PTPA: variants seen among roughly 807,000 people sequenced by gnomAD.
PTPA encodes the protein serine/threonine-protein phosphatase 2A activator.
Under a neutral mutation model 43.6 loss-of-function variants are expected in PTPA, and 13 were observed. That is an observed-to-expected ratio of 0.30 (90% confidence interval 0.19 to 0.47). PTPA has a LOEUF of 0.47. PTPA is among the 20% of genes least tolerant of loss of function. The pLI is 0.99. For missense variants in PTPA, 329 were observed against 411.9 expected, an observed-to-expected ratio of 0.80 and a Z score of 1.74; for synonymous variants, 172 against 158.2, an observed-to-expected ratio of 1.09 and a Z score of -0.66.
At chr9:129,136,884 G>T (rs1466089933) in intron 7 of PTPA, among the ~76,000 whole-genome samples, 2 of 152,252 alleles carry the variant, frequency 1.3e-5, no homozygotes, top group African/African-American at 2.4e-5. Context: ...TAATGGACTG[G>T]TGTGAAATGC....
chr9:129,144,662 C>T (rs967131453), intron 9 of PTPA, among the ~76,000 whole-genome samples: 29 of 150,034 alleles, frequency 1.9e-4, no homozygotes, highest in African/African-American at 6.9e-4. Context: ...TGGCGTGAGT[C>T]CGGGCGGTGG....
intron 8 of PTPA, chr9:129,141,605 C>T (rs1402455081): frequency 6.6e-6 from 1 of 152,356 alleles, no homozygotes; most frequent in Non-Finnish European, 1.5e-5. Context: ...TTTCTGACGT[C>T]ATGGGAACTT....
intron 8 of PTPA, chr9:129,140,147 C>T (rs897967169): frequency 2.0e-5 from 3 of 152,432 alleles, no homozygotes; most frequent in Non-Finnish European, 4.4e-5. Context: ...AGGAACGCAG[C>T]GTCTGTGAGT....
At chr9:129,130,241 G>GGA (rs1849867666) in intron 4 of PTPA, among the ~76,000 whole-genome samples, 1 of 152,156 alleles carries the variant, frequency 6.6e-6, no homozygotes, top group Admixed American at 6.5e-5. Context: ...TAGCTTTCCA[G>GGA]GAGATGGCTC....
At chr9:129,125,002 C>G (rs1849484808) in intron 3 of PTPA, among the ~76,000 whole-genome samples, 1 of 152,262 alleles carries the variant, frequency 6.6e-6, no homozygotes, top group African/African-American at 2.4e-5. Flanking sequence ...GGAGCCAGGC[C>G]CATTAGTGGC....
At chr9:129,146,169 C>T (rs1431803537) in intron 9 of PTPA, among the ~76,000 whole-genome samples, 1 of 152,152 alleles carries the variant, frequency 6.6e-6, no homozygotes, top group Non-Finnish European at 1.5e-5. Flanking sequence ...GCTGCCTTGG[C>T]CTCTGGCCTG....
chr9:129,140,592 T>C (rs1443651002), intron 8 of PTPA, among the ~76,000 whole-genome samples: 1 of 152,212 alleles, frequency 6.6e-6, no homozygotes, highest in Non-Finnish European at 1.5e-5. Context: ...CCAGTGCCCA[T>C]CTGCCTGCCT....
chr9:129,140,903 G>T (rs746997229), intron 8 of PTPA, among the ~76,000 whole-genome samples: 12 of 152,268 alleles, frequency 7.9e-5, no homozygotes, highest in South Asian at 2.1e-4. Context: ...GTGCCTGGCT[G>T]CCCTCCTGGA....
intron 8 of PTPA, among the ~76,000 whole-genome samples, chr9:129,141,274 C>T (rs1850803353): frequency 6.6e-6 from 1 of 152,214 alleles, no homozygotes; most frequent in South Asian, 2.1e-4. Context: ...CCTGAGGGCT[C>T]TTGTGGTGAA....
chr9:129,135,799 A>G (rs1850328073), intron 6 of PTPA, among the ~76,000 whole-genome samples: 1 of 152,214 alleles, frequency 6.6e-6, no homozygotes, highest in African/African-American at 2.4e-5. Flanking sequence ...CTGATAATAT[A>G]GAAGGTTGGA....
chr9:129,113,970 T>C (rs1425177401), intron 1 of PTPA, among the ~76,000 whole-genome samples: 4 of 152,102 alleles, frequency 2.6e-5, no homozygotes, highest in Non-Finnish European at 1.5e-5. Context: ...AGGTCCCTGG[T>C]TGTGGTCCTT....
intron 3 of PTPA, among the ~76,000 whole-genome samples, chr9:129,123,340 C>T (rs1173303515): frequency 6.6e-6 from 1 of 151,976 alleles, no homozygotes; most frequent in Admixed American, 6.5e-5. Flanking sequence ...GGTGTGGTGA[C>T]GGGCGCCTGT....
At chr9:129,141,461 T>C (rs1232703007) in intron 8 of PTPA, among the ~76,000 whole-genome samples, 1 of 152,178 alleles carries the variant, frequency 6.6e-6, no homozygotes, top group Non-Finnish European at 1.5e-5. Context: ...AGAGCCCTGT[T>C]CCCCTGTAAA....
chr9:129,143,020 G>A (rs1395318775), intron 9 of PTPA: 16 of 1,059,872 alleles, frequency 1.5e-5, no homozygotes, highest in Admixed American at 2.9e-5. Flanking sequence ...AGGGTAGGCC[G>A]AGAATTGGCA....
At chr9:129,127,487 C>T (rs1284136434) in intron 3 of PTPA, among the ~76,000 whole-genome samples, 1 of 152,224 alleles carries the variant, frequency 6.6e-6, no homozygotes, top group Non-Finnish European at 1.5e-5. Flanking sequence ...CACTTCCTGG[C>T]AGGGACTCTT....
rs568367275 is a variant in PTPA at position 129,125,247 on chromosome 9, C to T, written c.216+2109C>T. ...CCGTGGCTTTGATGGTAGCCATCCA[C>T]ACCAAGCAGGTATTGTCTTTTTTTT... On this transcript the variant is annotated intron_variant, in intron 3 of 9. Coordinates refer to ENST00000393370, the MANE Select transcript of PTPA (RefSeq NM_178000.3). Among the ~76,000 whole-genome samples, 27 of 152,008 alleles carry T rather than the reference C, an allele frequency of 1.8e-4. 1 individual carries two copies. The South Asian group carries it at 5.6e-3, about 32-fold the overall frequency.
At chr9:129,122,292 G>C (rs1033678301) in intron 2 of PTPA, among the ~76,000 whole-genome samples, 31 of 152,038 alleles carry the variant, frequency 2.0e-4, no homozygotes, top group Admixed American at 1.6e-3. Flanking sequence ...TTGTAGAGAT[G>C]GGGTCTCACT....
intron 9 of PTPA, among the ~76,000 whole-genome samples, chr9:129,143,936 G>T (rs1851097310): frequency 6.6e-6 from 1 of 151,768 alleles, no homozygotes; most frequent in African/African-American, 2.4e-5. Context: ...GTCTGAGCAT[G>T]TGAGAGGTGC....
intron 1 of PTPA, 121 bp downstream of exon 1, chr9:129,111,752 G>T (rs1015834718): frequency 4.5e-5 from 56 of 1,236,732 alleles, no homozygotes; most frequent in Non-Finnish European, 5.1e-5. Flanking sequence ...AAGCTGAGGG[G>T]CCCCGAGGAG....
Sources: gnomAD v4.1 joint callset for allele counts (sites outside exome capture counted in the v4.1 genomes callset) on GRCh38, gnomAD v4.1.1 for gene constraint, MANE v1.5 for transcripts, NCBI Gene and HGNC (gene_info 2026-07-23, HGNC 2026-07-21) for gene names.